Variants in STX11 observed in about 807,000 individuals in gnomAD.
The protein encoded by STX11 is syntaxin 11, also known as syntaxin-11.
Under a neutral mutation model 19.9 loss-of-function variants are expected in STX11, and 21 were observed. The ratio of observed to expected loss-of-function variants is 1.06; its 90% CI spans 0.75 to 1.52. The LOEUF (loss-of-function observed/expected upper bound fraction) is 1.52, where lower values mean the gene tolerates loss of function less well. Ranked by LOEUF, STX11 falls within the 40% of genes most tolerant of loss-of-function variation. STX11 has a pLI of 0.00. For missense variants in STX11, 438 were observed against 405.9 expected (o/e 1.08, Z -0.68); for synonymous variants, 193 against 174.4 (o/e 1.11, Z -0.84).
intron 1 of STX11, among the ~76,000 whole-genome samples, chr6:144,181,195 C>G (rs1222376842): frequency 1.3e-5 from 2 of 152,108 alleles, no homozygotes; most frequent in African/African-American, 4.8e-5. Flanking sequence ...GGAGAGAGGC[C>G]AGTAGCTACC....
In STX11 at chr6:144,167,167, AT is replaced by A. The variant is rs1395191547; in HGVS notation, c.-6+16468del. On this transcript the variant is annotated intron_variant, in intron 1 of 1. Transcript: ENST00000367568. This position sits in a 1 kb window ranked among gnomAD's most constrained non-coding sequence, Gnocchi z 5.0. Reference sequence around the variant, plus strand: ...TATGTATTATATTTTATCATTGGTTATTTTATAGAATTAGTATATATAGTTG... The same window carrying A: ...TATGTATTATATTTTATCATTGGTTATTTATAGAATTAGTATATATAGTTG... Among the ~76,000 whole-genome samples, 1 of 152,212 alleles carries A rather than the reference AT, an allele frequency of 6.6e-6. No individual in the cohort carries two copies. Among genetic ancestry groups the A allele is most frequent in the Non-Finnish European group, 1.5e-5 (1 of 68,036 alleles).
At chr6:144,185,315 A>C (rs564567944) in intron 1 of STX11, among the ~76,000 whole-genome samples, 117 of 152,348 alleles carry the variant, frequency 7.7e-4, no homozygotes, top group African/African-American at 2.7e-3. Context: ...TTTTAATTTG[A>C]GACCAAGAAC....
rs892251321 is a variant in STX11, at chr6:144,162,438, G to A, written c.-6+11735G>A. ...TTATCCTAGTTGGCTTATGCCTTTA[G>A]AAAGTTCCTTTAGTGGAGTTTTGGA... On this transcript the variant is annotated intron_variant, in intron 1 of 1. Coordinates refer to ENST00000367568, the MANE Select transcript of STX11 (RefSeq NM_003764.4). The surrounding 1 kb of genome is among the most constrained non-coding windows in gnomAD (Gnocchi z 4.6). Among the ~76,000 whole-genome samples the A allele has an allele frequency of 6.6e-6, 1 of 152,172 alleles. No individual in the cohort carries two copies. The highest frequency in any genetic ancestry group is 1.5e-5 in the Non-Finnish European group (1 of 68,036).
Position 144,151,219 on chromosome 6 carries a change from G to C in STX11, c.-6+516G>C, listed in dbSNP as rs1012773634. 4 of 985,162 alleles carry C rather than the reference G, an allele frequency of 4.1e-6. No individual in the cohort carries two copies. The highest frequency in any genetic ancestry group is 1.7e-5 in the African/African-American group (1 of 57,214). 61.0% of individuals were successfully genotyped at this position (985,162 alleles called of 1,614,324 possible). ...TTCGAGGAGTCCCTTCGAAGCCCACGTAAGACTTTGTTTTAGAAACATGGA... is the reference window on the plus strand; with the variant it reads ...TTCGAGGAGTCCCTTCGAAGCCCACCTAAGACTTTGTTTTAGAAACATGGA... On this transcript the variant is annotated intron_variant, in intron 1 of 1. Coordinates refer to ENST00000367568, the MANE Select transcript of STX11 (RefSeq NM_003764.4). The surrounding 1 kb of genome is among the most constrained non-coding windows in gnomAD (Gnocchi z 4.6).
chr6:144,157,093 A>G (rs1027320384), intron 1 of STX11, among the ~76,000 whole-genome samples: 3 of 152,206 alleles, frequency 2.0e-5, no homozygotes, highest in Admixed American at 1.3e-4. Flanking sequence ...TCAAGTTGCC[A>G]GGAAACAGAC....
At chr6:144,166,169 CA>C (rs1257925100) in intron 1 of STX11, among the ~76,000 whole-genome samples, 2 of 152,212 alleles carry the variant, frequency 1.3e-5, no homozygotes, top group Non-Finnish European at 2.9e-5. Context: ...CCACCACTAA[CA>C]ATGAAACCTT....
Position 144,191,060 on chromosome 6 carries a change from T to C in STX11, c.*3569T>C, listed in dbSNP as rs1802197546. Among the ~76,000 whole-genome samples, 1 of 151,930 alleles carries C rather than the reference T, an allele frequency of 6.6e-6. No homozygotes were observed. The highest frequency in any genetic ancestry group is 1.5e-5 in the Non-Finnish European group (1 of 67,980). ...CTGCAAATTTTATACACTCATATCT[T>C]TTAGGGTACAAAATGAAAGAACAAA... is the stretch of plus-strand genomic sequence containing the variant. On this transcript the variant is annotated 3_prime_UTR_variant, in exon 2 of 2. Transcript: ENST00000367568.
chr6:144,166,431 G>A (rs975935682), intron 1 of STX11, among the ~76,000 whole-genome samples: 1 of 151,884 alleles, frequency 6.6e-6, no homozygotes, highest in Non-Finnish European at 1.5e-5. Flanking sequence ...AAACATGAAA[G>A]CACACATGAG....
intron 1 of STX11, among the ~76,000 whole-genome samples, chr6:144,185,928 G>C (rs904911002): frequency 1.3e-5 from 2 of 152,098 alleles, no homozygotes; most frequent in Non-Finnish European, 2.9e-5. Flanking sequence ...AGTGTGTACA[G>C]GAGGGGATGC....
At chr6:144,150,509 C>G (rs1225171913), upstream of STX11, 3 of 985,188 alleles carry the variant, frequency 3.0e-6, no homozygotes, top group Non-Finnish European at 3.6e-6. Context: ...GCTGAGCCGG[C>G]GGCGCCCAGA....
At chr6:144,186,529 G>T in intron 1 of STX11, 94 bp from the exon 2 acceptor site, 14 of 1,517,176 alleles carry the variant, frequency 9.2e-6, no homozygotes, top group Non-Finnish European at 1.3e-5. Context: ...ATACAAAATT[G>T]GGACTGCTGA....
upstream of STX11, among the ~76,000 whole-genome samples, chr6:144,149,398 G>C (rs1800936709): frequency 6.6e-6 from 1 of 152,044 alleles, no homozygotes; most frequent in African/African-American, 2.4e-5. This position sits in a 1 kb window ranked among gnomAD's most constrained non-coding sequence, Gnocchi z 5.1. Flanking sequence ...TTCCATCTTT[G>C]GCAACTGGGA....
chr6:144,180,422 T>C lies in STX11; in HGVS notation c.-5-6201T>C, dbSNP rs1801881859. On this transcript the variant is annotated intron_variant, in intron 1 of 1. Coordinates refer to ENST00000367568, the MANE Select transcript of STX11 (RefSeq NM_003764.4). This position sits in a 1 kb window ranked among gnomAD's most constrained non-coding sequence, Gnocchi z 5.3. ...TGAATTGTATCTCCCAGAATTCCCATGTGTTGTGGGAGGGACCCAGGGGAA... is the reference window on the plus strand; with the variant it reads ...TGAATTGTATCTCCCAGAATTCCCACGTGTTGTGGGAGGGACCCAGGGGAA... 6.6e-6 allele frequency among the ~76,000 whole-genome samples: 1 copy of C among 152,166 alleles called. No individual in the cohort carries two copies. Among genetic ancestry groups the C allele is most frequent in the Non-Finnish European group, 1.5e-5 (1 of 68,036 alleles).
upstream of STX11, among the ~76,000 whole-genome samples, chr6:144,149,953 A>T (rs1396573485): frequency 1.3e-5 from 2 of 151,926 alleles, no homozygotes; most frequent in African/African-American, 4.8e-5. This position sits in a 1 kb window ranked among gnomAD's most constrained non-coding sequence, Gnocchi z 5.1. Flanking sequence ...ACACAAGGGG[A>T]CGCTCAGTTG....
In STX11 at chr6:144,188,725, CTTTTTTTTTT is replaced by C. The variant is rs11356106; in HGVS notation, c.*1244_*1253del. On this transcript the variant is annotated 3_prime_UTR_variant, in exon 2 of 2. Coordinates refer to ENST00000367568, the MANE Select transcript of STX11 (RefSeq NM_003764.4). The stretch of plus-strand genomic sequence containing the variant: ...ATTATTGTTAAAATTTTTCTTTTTC[CTTTTTTTTTT>C]TTTTTTTTTGAGATGGAGTCTCACT... Among the ~76,000 whole-genome samples the C allele has an allele frequency of 7.4e-3, 868 of 117,930 alleles. 6 individuals are homozygous for C. Among genetic ancestry groups the C allele is most frequent in the South Asian group, 0.033 (129 of 3,914 alleles). The allele number at this position is 117,930 out of a possible 152,430, so 77.4% of individuals were successfully genotyped here.
chr6:144,141,653 TTTGTTGTTGTTGTTGTTG>T, the STX11 span, among the ~76,000 whole-genome samples: 2 of 150,354 alleles, frequency 1.3e-5, no homozygotes, highest in African/African-American at 2.5e-5. Context: ...TATTTTCAGT[TTTGTTGTTGTTGTTGTTG>T]TTGTTGTTGT....
At position 144,172,696 on chromosome 6, in the gene STX11, A is replaced by G. The variant is rs1006509941; in HGVS notation, c.-5-13927A>G. 6.6e-6 allele frequency among the ~76,000 whole-genome samples: 1 copy of G among 152,170 alleles called. No homozygotes were observed. ...CCCCGAAGTCTCATCAGATTATAGT[A>G]TTAGCCTCGAAGTCTAGAGACTTAT... On this transcript the variant is annotated intron_variant, in intron 1 of 1. Coordinates refer to ENST00000367568, the MANE Select transcript of STX11 (RefSeq NM_003764.4). This position sits in a 1 kb window ranked among gnomAD's most constrained non-coding sequence, Gnocchi z 4.2.
chr6:144,143,889 T>C, the STX11 span, among the ~76,000 whole-genome samples: 4 of 152,236 alleles, frequency 2.6e-5, no homozygotes, highest in East Asian at 1.9e-4. Flanking sequence ...AAGATCCTTA[T>C]AGGCATTAAA....
chr6:144,159,915 G>C lies in STX11; in HGVS notation c.-6+9212G>C, dbSNP rs55683974. 1.1e-4 allele frequency among the ~76,000 whole-genome samples: 17 copies of C among 152,014 alleles called. No homozygotes were observed. The highest frequency in any genetic ancestry group is 2.2e-4 in the Non-Finnish European group (15 of 68,006). ...CACTTTTGATGCCCTGGGTGAAGAGGCCACAACCCCAGTGTTGCAATTTGC... is the reference window on the plus strand; with the variant it reads ...CACTTTTGATGCCCTGGGTGAAGAGCCCACAACCCCAGTGTTGCAATTTGC... On this transcript the variant is annotated intron_variant, in intron 1 of 1. Coordinates refer to ENST00000367568, the MANE Select transcript of STX11 (RefSeq NM_003764.4). This position sits in a 1 kb window ranked among gnomAD's most constrained non-coding sequence, Gnocchi z 4.3.
Sources: allele counts gnomAD v4.1 joint callset (sites outside exome capture counted in the v4.1 genomes callset), GRCh38; gene constraint gnomAD v4.1.1; non-coding constraint Gnocchi (gnomAD v3.1); transcripts MANE v1.5; gene names NCBI Gene and HGNC (gene_info 2026-07-23, HGNC 2026-07-21).